The following STPG2 variants were observed in gnomAD, a reference collection of about 807,000 sequenced individuals.
STPG2 encodes the protein sperm tail PG-rich repeat containing 2.
In STPG2, 56 loss-of-function variants were observed where a neutral mutation model predicts 54.2. That is an observed-to-expected ratio of 1.03 (90% CI 0.83 to 1.29). The LOEUF (loss-of-function observed/expected upper bound fraction) is 1.29. Among genes scored for constraint, STPG2 ranks in the 50% most tolerant of loss-of-function variants. The pLI is 0.00. For synonymous variants in STPG2, 200 were observed against 181.8 expected, an observed-to-expected ratio of 1.10 and a Z score of -0.81; for missense variants, 596 against 544.9, an observed-to-expected ratio of 1.09 and a Z score of -0.93.
In STPG2 at chr4:97,663,587, T is replaced by G. The variant is rs1169076870; in HGVS notation, c.1320+49112A>C. Among the ~76,000 whole-genome samples the G allele has an allele frequency of 2.0e-5, 3 of 152,182 alleles. No homozygotes were observed. In the East Asian group the frequency reaches 5.8e-4, roughly 29 times the overall value. On this transcript the variant is annotated intron_variant, in intron 10 of 10. Coordinates refer to ENST00000295268, the MANE Select transcript of STPG2 (RefSeq NM_174952.3). ...CTTTTACAGCTGAATTAAAAACTTC[T>G]GAAAATAACATATAGAAAAGCTTAA... is the stretch of plus-strand genomic sequence containing the variant.
At chr4:97,446,168 T>C (rs933667293) in intron 4 of STPG2, among the ~76,000 whole-genome samples, 1 of 152,190 alleles carries the variant, frequency 6.6e-6, no homozygotes, top group Non-Finnish European at 1.5e-5. Flanking sequence ...TACAGAAATT[T>C]ATTTGTATTA....
At position 97,599,234 on chromosome 4, in the gene STPG2, T is replaced by A. The variant is rs569192302; in HGVS notation, c.1321-40117A>T. 4.1e-3 allele frequency among the ~76,000 whole-genome samples: 629 copies of A among 152,110 alleles called. 3 individuals carry two copies. Among genetic ancestry groups the A allele is most frequent in the South Asian group, 0.02 (98 of 4,804 alleles). On this transcript the variant is annotated intron_variant, in intron 10 of 10. Transcript: ENST00000295268. ...AGTCAGAGTGACTATTATTAAAAAG[T>A]CAAAAAATAAGAGATGCTGGCAAGG... is the stretch of plus-strand genomic sequence containing the variant.
intron 8 of STPG2, among the ~76,000 whole-genome samples, chr4:97,859,930 C>G (rs1578630196): frequency 6.6e-6 from 1 of 152,206 alleles, no homozygotes; most frequent in East Asian, 1.9e-4. Context: ...TCCAGTTTCA[C>G]TCTTCTACAT....
downstream of STPG2, among the ~76,000 whole-genome samples, chr4:97,557,426 A>G (rs186946752): frequency 2.3e-3 from 347 of 152,292 alleles, no homozygotes; most frequent in Admixed American, 5.8e-3. Context: ...AGTATCTATC[A>G]TTTCTATCTT....
chr4:97,741,151 G>C (rs1725216823), intron 9 of STPG2, among the ~76,000 whole-genome samples: 1 of 152,096 alleles, frequency 6.6e-6, no homozygotes, highest in South Asian at 2.1e-4. Flanking sequence ...GGAAAAACTG[G>C]CTAGCCATAT....
At chr4:98,106,711 G>A (rs1412491626) in intron 4 of STPG2, among the ~76,000 whole-genome samples, 1 of 152,058 alleles carries the variant, frequency 6.6e-6, no homozygotes, top group East Asian at 1.9e-4. Flanking sequence ...ACTGGTAATT[G>A]GAAATAGTAA....
At position 97,469,046 on chromosome 4, in the gene STPG2, T is replaced by C. The variant is rs1729859799; in HGVS notation, c.462+243653A>G. 2.0e-5 allele frequency among the ~76,000 whole-genome samples: 3 copies of C among 152,212 alleles called. No homozygotes were observed. In the South Asian group the frequency reaches 6.2e-4, roughly 32 times the overall value. On this transcript the variant is annotated intron_variant, in intron 4 of 4. Coordinates refer to the STPG2 transcript ENST00000522676. ...AGTATGTTGGTCTATACAATTGAAT[T>C]AGCTGCCACTTTTCTATGAAATATG...
intron 10 of STPG2, among the ~76,000 whole-genome samples, chr4:97,605,359 T>G (rs1578419355): frequency 6.6e-6 from 1 of 151,810 alleles, no homozygotes; most frequent in East Asian, 1.9e-4. Context: ...GTTTAAAATA[T>G]GCTTTCATGC....
intron 7 of STPG2, among the ~76,000 whole-genome samples, chr4:97,962,427 C>T (rs1423137661): frequency 1.3e-5 from 2 of 152,098 alleles, no homozygotes; most frequent in Non-Finnish European, 2.9e-5. Flanking sequence ...TACGTATACA[C>T]ACAAACATGT....
At chr4:97,800,085 A>C (rs1244228798) in intron 9 of STPG2, among the ~76,000 whole-genome samples, 1 of 152,196 alleles carries the variant, frequency 6.6e-6, no homozygotes, top group African/African-American at 2.4e-5. Context: ...CCATTCATCT[A>C]ACCTTTTTTC....
intron 4 of STPG2, among the ~76,000 whole-genome samples, chr4:97,539,062 A>G (rs561545866): frequency 2.6e-5 from 4 of 152,204 alleles, no homozygotes; most frequent in African/African-American, 9.7e-5. Context: ...TGGAAAGGAA[A>G]AACTGGTACC....
intron 8 of STPG2, among the ~76,000 whole-genome samples, chr4:97,928,661 G>C (rs2149216551): frequency 6.6e-6 from 1 of 152,064 alleles, no homozygotes. Flanking sequence ...GTTTGGGTTA[G>C]TTTTGTTGCA....
rs1392263093 is a variant in STPG2, at chr4:98,065,404, A to G, written c.612+40549T>C. Among the ~76,000 whole-genome samples the G allele has an allele frequency of 2.0e-5, 3 of 152,148 alleles. No individual in the cohort carries two copies. The South Asian group carries it at 6.2e-4, about 31-fold the overall frequency. Reference sequence around the variant, plus strand: ...TTATATAAAATAAAATCTTTTTTCTATACCACTTATAGCCACTTAGAAGTT... The same window carrying G: ...TTATATAAAATAAAATCTTTTTTCTGTACCACTTATAGCCACTTAGAAGTT... On this transcript the variant is annotated intron_variant, in intron 5 of 10. Coordinates refer to ENST00000295268, the MANE Select transcript of STPG2 (RefSeq NM_174952.3).
intron 5 of STPG2, among the ~76,000 whole-genome samples, chr4:98,008,548 GGTTTTATAAATAGTTT>G (rs1373563381): frequency 2.0e-5 from 3 of 147,908 alleles, no homozygotes; most frequent in Non-Finnish European, 4.5e-5. Flanking sequence ...AAAACTCACA[GGTTTTATAAATAGTTT>G]TATAAAAACT....
intron 5 of STPG2, among the ~76,000 whole-genome samples, chr4:98,067,885 AT>A (rs1737882100): frequency 1.3e-5 from 2 of 152,084 alleles, no homozygotes; most frequent in African/African-American, 4.8e-5. Flanking sequence ...GTAGTAAGAT[AT>A]TTTTCTATCA....
At chr4:97,527,079 C>T (rs1238591733) in intron 4 of STPG2, among the ~76,000 whole-genome samples, 1 of 151,602 alleles carries the variant, frequency 6.6e-6, no homozygotes, top group African/African-American at 2.4e-5. Context: ...ATACACATGC[C>T]ATGGCGGTTT....
chr4:97,498,844 A>G (rs755609825), intron 4 of STPG2, among the ~76,000 whole-genome samples: 6 of 152,028 alleles, frequency 3.9e-5, no homozygotes, highest in Non-Finnish European at 8.8e-5. Context: ...AGTAAAAATA[A>G]CAACAAAACT....
intron 5 of STPG2, among the ~76,000 whole-genome samples, chr4:98,009,950 T>C (rs1340873925): frequency 6.6e-6 from 1 of 152,068 alleles, no homozygotes; most frequent in Non-Finnish European, 1.5e-5. Context: ...TCTCAGTTGT[T>C]ATGTCTTTTT....
chr4:98,021,421 G>A (rs1033100340), intron 5 of STPG2, among the ~76,000 whole-genome samples: 1 of 150,976 alleles, frequency 6.6e-6, no homozygotes, highest in Non-Finnish European at 1.5e-5. Flanking sequence ...CATTTGCTGA[G>A]GAGTGCTTTA....
Sources: gnomAD v4.1 joint callset for allele counts (sites outside exome capture counted in the v4.1 genomes callset) on GRCh38, gnomAD v4.1.1 for gene constraint, MANE v1.5 for transcripts, NCBI Gene and HGNC (gene_info 2026-07-23, HGNC 2026-07-21) for gene names.